Variants in DPYSL3 observed in about 807,000 individuals in gnomAD.
DPYSL3 encodes dihydropyrimidinase-related protein 3.
Under a neutral mutation model 66.1 loss-of-function variants are expected in DPYSL3, and 16 were observed. The observed-to-expected ratio is 0.24, with a 90% CI of 0.16 to 0.37. The LOEUF (loss-of-function observed/expected upper bound fraction) is 0.37, where lower values mean the gene tolerates loss of function less well. DPYSL3 is among the 10% of genes least tolerant of loss of function. The pLI is 1.00. For synonymous variants in DPYSL3, 338 were observed against 345.1 expected (o/e 0.98, Z 0.23); for missense variants, 738 against 916.2 (o/e 0.81, Z 2.51).
At chr5:147,475,335 A>G (rs1158652890) in intron 1 of DPYSL3, among the ~76,000 whole-genome samples, 1 of 152,154 alleles carries the variant, frequency 6.6e-6, no homozygotes, top group Non-Finnish European at 1.5e-5. Context: ...AGATGAGTGA[A>G]GTGTTCAAGG....
intron 8 of DPYSL3, 127 bp from the exon 9 acceptor site, chr5:147,401,823 G>T: frequency 1.8e-6 from 2 of 1,134,656 alleles, no homozygotes; most frequent in Non-Finnish European, 2.4e-6. Flanking sequence ...CTGGGTTCAA[G>T]TCCATGTTCC....
chr5:147,476,491 C>T (rs946573889), intron 1 of DPYSL3, among the ~76,000 whole-genome samples: 5 of 152,002 alleles, frequency 3.3e-5, no homozygotes, highest in African/African-American at 7.2e-5. Flanking sequence ...ACTTTGGCTG[C>T]CTTATGGGGA....
chr5:147,503,681 G>A (rs1299253356), intron 1 of DPYSL3, among the ~76,000 whole-genome samples: 1 of 152,170 alleles, frequency 6.6e-6, no homozygotes, highest in East Asian at 1.9e-4. Context: ...GGAATATGGA[G>A]CATGCCCAAA....
Position 147,481,605 on chromosome 5 carries a change from C to T in DPYSL3, c.381+27873G>A, listed in dbSNP as rs72833355. 3.4e-3 allele frequency among the ~76,000 whole-genome samples: 514 copies of T among 152,230 alleles called. 1 individual carries two copies. The highest frequency in any genetic ancestry group is 5.7e-3 in the Non-Finnish European group (388 of 68,004). On this transcript the variant is annotated intron_variant, in intron 1 of 13. Transcript: ENST00000343218. The stretch of plus-strand genomic sequence containing the variant: ...GAAAGTATGTATTGCAAACGTAATC[C>T]CTAATGCAACAGTGCCTGAAGGTGG...
chr5:147,475,833 C>A (rs1384257815), intron 1 of DPYSL3, among the ~76,000 whole-genome samples: 1 of 152,014 alleles, frequency 6.6e-6, no homozygotes, highest in Non-Finnish European at 1.5e-5. Context: ...CTGAAAAACA[C>A]CCGAAGTTAA....
intron 1 of DPYSL3, among the ~76,000 whole-genome samples, chr5:147,430,593 G>A (rs143051825): frequency 1.3e-4 from 20 of 151,774 alleles, no homozygotes; most frequent in Middle Eastern, 3.4e-3. Context: ...AGGAAAGGGC[G>A]GGGAGAGAGA....
intron 1 of DPYSL3, among the ~76,000 whole-genome samples, chr5:147,437,242 C>A (rs1020010599): frequency 1.3e-5 from 2 of 152,152 alleles, no homozygotes; most frequent in African/African-American, 4.8e-5. Context: ...ACAAAGACGT[C>A]GAGTGAATTC....
chr5:147,467,548 A>G (rs1753028869), intron 1 of DPYSL3, among the ~76,000 whole-genome samples: 1 of 152,226 alleles, frequency 6.6e-6, no homozygotes, highest in South Asian at 2.1e-4. Context: ...AATAGAGTAC[A>G]TATACAGAAC....
chr5:147,446,471 T>G (rs1298071741), intron 1 of DPYSL3, among the ~76,000 whole-genome samples: 1 of 152,242 alleles, frequency 6.6e-6, no homozygotes, highest in South Asian at 2.1e-4. Context: ...AATTAGGCCA[T>G]GAGAAATGTT....
intron 1 of DPYSL3, among the ~76,000 whole-genome samples, chr5:147,461,586 T>G (rs75455371): frequency 6.6e-6 from 1 of 152,138 alleles, no homozygotes; most frequent in African/African-American, 2.4e-5. Context: ...CAGACAACGA[T>G]GCTGCTTCAC....
intron 1 of DPYSL3, among the ~76,000 whole-genome samples, chr5:147,479,886 A>C (rs1329210934): frequency 1.3e-5 from 2 of 152,212 alleles, no homozygotes; most frequent in Non-Finnish European, 2.9e-5. Context: ...TCAGCAAGCA[A>C]CTGAGTGGTG....
At chr5:147,481,969 G>A (rs552065945) in intron 1 of DPYSL3, among the ~76,000 whole-genome samples, 1 of 152,316 alleles carries the variant, frequency 6.6e-6, no homozygotes, top group African/African-American at 2.4e-5. Context: ...TGTGTTACAG[G>A]AGAATAATAC....
At chr5:147,415,688 G>T (rs1751949167) in intron 4 of DPYSL3, 21 bp downstream of exon 4, 2 of 1,609,840 alleles carry the variant, frequency 1.2e-6, no homozygotes, top group African/African-American at 2.7e-5. Flanking sequence ...AGAGGAGGGA[G>T]GACGGCATGT....
Position 147,455,910 on chromosome 5 carries a change from T to TTGTG in DPYSL3, c.382-30951_382-30948dup, listed in dbSNP as rs72112283. On this transcript the variant is annotated intron_variant, in intron 1 of 13. Transcript: ENST00000343218. ...TTATACCATATTTTTGATCACTTGA[T>TTGTG]TGTGTGTGTGTGTGTGTGTGTGTGT... 5.2e-3 allele frequency among the ~76,000 whole-genome samples: 772 copies of TTGTG among 148,540 alleles called. 20 individuals are homozygous for TTGTG. The highest frequency in any genetic ancestry group is 2.6e-3 in the East Asian group (13 of 5,072).
intron 1 of DPYSL3, among the ~76,000 whole-genome samples, chr5:147,453,379 T>C (rs903908654): frequency 1.3e-5 from 2 of 152,166 alleles, no homozygotes; most frequent in African/African-American, 4.8e-5. Context: ...TCGCTCAGTC[T>C]GTGTGGCGCC....
chr5:147,458,208 A>T (rs555372506), intron 1 of DPYSL3, among the ~76,000 whole-genome samples: 1 of 152,182 alleles, frequency 6.6e-6, no homozygotes, highest in Non-Finnish European at 1.5e-5. Flanking sequence ...GGAGGTCGGC[A>T]CAAGATACAG....
intron 1 of DPYSL3, among the ~76,000 whole-genome samples, chr5:147,505,169 T>G (rs1317926519): frequency 2.0e-5 from 3 of 152,098 alleles, no homozygotes; most frequent in Non-Finnish European, 4.4e-5. Flanking sequence ...AAGAAGGTGT[T>G]TATAGATAGG....
In DPYSL3 at chr5:147,394,131, T is replaced by C. The variant is rs562571897; in HGVS notation, c.1967-8A>G. 1 of 1,613,060 alleles carries C rather than the reference T, an allele frequency of 6.2e-7. No homozygotes were observed. Among genetic ancestry groups the C allele is most frequent in the Non-Finnish European group, 8.5e-7 (1 of 1,179,810 alleles). The stretch of plus-strand genomic sequence containing the variant: ...CCTCATCCACTTGGGTGCCTACAGT[T>C]GGAAATAAATTCCCAGGGGGAAAAA... On this transcript the variant is annotated splice_polypyrimidine_tract_variant and splice_region_variant and intron_variant, in intron 13 of 13. Coordinates refer to ENST00000343218, the MANE Select transcript of DPYSL3 (RefSeq NM_001197294.2).
intron 1 of DPYSL3, among the ~76,000 whole-genome samples, chr5:147,483,193 C>T (rs1753274352): frequency 6.6e-6 from 1 of 152,164 alleles, no homozygotes; most frequent in African/African-American, 2.4e-5. Context: ...GGGATATGAT[C>T]AAATTTACAT....
Sources: gnomAD v4.1 joint callset for allele counts (sites outside exome capture counted in the v4.1 genomes callset) on GRCh38, gnomAD v4.1.1 for gene constraint, MANE v1.5 for transcripts, NCBI Gene and HGNC (gene_info 2026-07-23, HGNC 2026-07-21) for gene names.